DLGAP1: variants seen among roughly 807,000 people sequenced by gnomAD.
DLGAP1 encodes the protein disks large-associated protein 1.
Under a neutral mutation model 90.8 loss-of-function variants are expected in DLGAP1, and 11 were observed. The observed-to-expected ratio is 0.12, with a 90% confidence interval of 0.08 to 0.20. The LOEUF is 0.20. DLGAP1 is among the 10% of genes least tolerant of loss of function. The pLI is 1.00. For synonymous variants in DLGAP1, 558 were observed against 540.7 expected (o/e 1.03, Z -0.44); for missense variants, 1,050 against 1,333.8 (o/e 0.79, Z 3.31).
chr18:3,964,629 C>G (rs906587095), intron 3 of DLGAP1, among the ~76,000 whole-genome samples: 1 of 151,994 alleles, frequency 6.6e-6, no homozygotes, highest in African/African-American at 2.4e-5. Flanking sequence ...GAGGAAGAGC[C>G]TTGAAGGAAA....
intron 8 of DLGAP1, among the ~76,000 whole-genome samples, chr18:3,578,630 C>T (rs1161557819): frequency 2.7e-5 from 4 of 150,780 alleles, no homozygotes; most frequent in Middle Eastern, 6.8e-3. Context: ...GCTGAGATTA[C>T]AGGCCTGAGC....
At chr18:3,957,988 G>C (rs970846785) in intron 3 of DLGAP1, among the ~76,000 whole-genome samples, 1 of 151,510 alleles carries the variant, frequency 6.6e-6, no homozygotes, top group Non-Finnish European at 1.5e-5. Flanking sequence ...CTGCCTCCCA[G>C]GTTCAAGAAA....
chr18:4,137,612 T>A lies in DLGAP1; in HGVS notation c.-159+13568A>T, dbSNP rs373746669. Reference sequence around the variant, plus strand: ...CTCAAGACAGCTTTGGTATTCTGGGTCTTTTGTGATTTCATATAAATTTTA... The same window carrying A: ...CTCAAGACAGCTTTGGTATTCTGGGACTTTTGTGATTTCATATAAATTTTA... On this transcript the variant is annotated intron_variant, in intron 2 of 12. Coordinates refer to ENST00000315677, the MANE Select transcript of DLGAP1 (RefSeq NM_004746.4). Among the ~76,000 whole-genome samples, 10 of 152,262 alleles carry A rather than the reference T, an allele frequency of 6.6e-5. No homozygotes were observed. In the East Asian group the frequency reaches 1.2e-3, roughly 18 times the overall value.
intron 7 of DLGAP1, among the ~76,000 whole-genome samples, chr18:3,682,991 G>A (rs2060574783): frequency 6.6e-6 from 1 of 151,844 alleles, no homozygotes; most frequent in South Asian, 2.1e-4. Flanking sequence ...TGAGTAGGTG[G>A]GATTACAGGC....
At chr18:4,124,063 C>G (rs1228677396) in intron 2 of DLGAP1, among the ~76,000 whole-genome samples, 2 of 152,174 alleles carry the variant, frequency 1.3e-5, no homozygotes, top group African/African-American at 4.8e-5. Context: ...GCTGAACTAA[C>G]TCCTGTCCAC....
intron 7 of DLGAP1, among the ~76,000 whole-genome samples, chr18:3,631,781 T>C (rs1299697155): frequency 6.6e-6 from 1 of 151,996 alleles, no homozygotes; most frequent in African/African-American, 2.4e-5. Flanking sequence ...ATTCACAAGA[T>C]GTAATTTGTT....
chr18:3,841,806 A>G (rs1295264864), intron 4 of DLGAP1, among the ~76,000 whole-genome samples: 1 of 152,190 alleles, frequency 6.6e-6, no homozygotes, highest in Non-Finnish European at 1.5e-5. Flanking sequence ...GCTAGCTACT[A>G]GTGCATTCAG....
intron 2 of DLGAP1, among the ~76,000 whole-genome samples, chr18:4,109,331 A>G (rs993221960): frequency 3.3e-5 from 5 of 152,166 alleles, no homozygotes; most frequent in Non-Finnish European, 7.4e-5. Flanking sequence ...TTAACATAAC[A>G]TAATTAAGGG....
At chr18:3,512,285 G>A (rs1269160452) in intron 10 of DLGAP1, among the ~76,000 whole-genome samples, 8 of 152,088 alleles carry the variant, frequency 5.3e-5, no homozygotes, top group Non-Finnish European at 1.0e-4. Flanking sequence ...AGTAAATCTA[G>A]CCTCCCCAGA....
chr18:4,260,744 G>C (rs999420251), intron 1 of DLGAP1, among the ~76,000 whole-genome samples: 1 of 152,074 alleles, frequency 6.6e-6, no homozygotes, highest in African/African-American at 2.4e-5. Flanking sequence ...TAGCAAAAAG[G>C]CAAATTGGTG....
In DLGAP1 at chr18:3,860,486, T is replaced by C. The variant is rs113493028; in HGVS notation, c.957+18626A>G. 7.0e-4 allele frequency among the ~76,000 whole-genome samples: 107 copies of C among 152,336 alleles called. 1 individual carries two copies. Among genetic ancestry groups the C allele is most frequent in the African/African-American group, 2.4e-3 (101 of 41,572 alleles). ...GAGACCATGGCAGATAGACATGAAA[T>C]ATCTCACTCAATGTTGTATAACTGC... On this transcript the variant is annotated intron_variant, in intron 4 of 12. Coordinates refer to ENST00000315677, the MANE Select transcript of DLGAP1 (RefSeq NM_004746.4).
At chr18:4,443,753 C>A (rs280982) in intron 1 of DLGAP1, among the ~76,000 whole-genome samples, 40,110 of 152,048 alleles carry the variant, frequency 0.26, 5,777 homozygotes, top group Non-Finnish European at 0.32. Flanking sequence ...TTTAGATATG[C>A]CAATATGGCT....
At chr18:3,695,263 A>C (rs1276362993) in intron 7 of DLGAP1, among the ~76,000 whole-genome samples, 1 of 152,092 alleles carries the variant, frequency 6.6e-6, no homozygotes, top group Admixed American at 6.6e-5. Flanking sequence ...TGTTTTAGTC[A>C]TGAAGTCTTT....
chr18:4,446,504 G>T (rs1299217514), intron 1 of DLGAP1, among the ~76,000 whole-genome samples: 1 of 152,082 alleles, frequency 6.6e-6, no homozygotes, highest in African/African-American at 2.4e-5. Flanking sequence ...CTAACGTAAT[G>T]AGTAAGAAAT....
At chr18:4,153,503 G>A (rs1025689807) in intron 1 of DLGAP1, among the ~76,000 whole-genome samples, 1 of 152,086 alleles carries the variant, frequency 6.6e-6, no homozygotes, top group African/African-American at 2.4e-5. Flanking sequence ...TACCCCAAGT[G>A]TCCCTCTTTT....
At chr18:4,375,439 G>A (rs2081996219) in intron 1 of DLGAP1, among the ~76,000 whole-genome samples, 1 of 151,986 alleles carries the variant, frequency 6.6e-6, no homozygotes, top group Non-Finnish European at 1.5e-5. Flanking sequence ...TCTTTTATTT[G>A]CTCAGCACTG....
intron 5 of DLGAP1, among the ~76,000 whole-genome samples, chr18:3,792,104 G>A (rs950353611): frequency 6.6e-6 from 1 of 152,294 alleles, no homozygotes; most frequent in African/African-American, 2.4e-5. Flanking sequence ...CTATGCCCCA[G>A]CCCTGTAACC....
rs2075658119 is a variant in DLGAP1, at chr18:4,084,795, T to C, written c.-159+66385A>G. ...ACACTTATTAAATATATTAGCATGC[T>C]TTTCTCCTATCAATCTGTCTTTGTC... is the stretch of plus-strand genomic sequence containing the variant. On this transcript the variant is annotated intron_variant, in intron 2 of 12. Transcript: ENST00000315677. The surrounding 1 kb of genome is among the most constrained non-coding windows in gnomAD (Gnocchi z 4.0). Among the ~76,000 whole-genome samples, 1 of 152,236 alleles carries C rather than the reference T, an allele frequency of 6.6e-6. No individual in the cohort carries two copies. Among genetic ancestry groups the C allele is most frequent in the African/African-American group, 2.4e-5 (1 of 41,462 alleles).
chr18:4,333,297 C>A (rs2080990845), intron 1 of DLGAP1, among the ~76,000 whole-genome samples: 1 of 151,894 alleles, frequency 6.6e-6, no homozygotes, highest in Non-Finnish European at 1.5e-5. Context: ...CTGGGTCACA[C>A]TGTGTTCAAG....
Sources: allele counts gnomAD v4.1 joint callset (sites outside exome capture counted in the v4.1 genomes callset), GRCh38; gene constraint gnomAD v4.1.1; non-coding constraint Gnocchi (gnomAD v3.1); transcripts MANE v1.5; gene names NCBI Gene and HGNC (gene_info 2026-07-23, HGNC 2026-07-21).